The following CEP164 variants were observed in gnomAD, a reference collection of about 807,000 sequenced individuals.
CEP164 encodes centrosomal protein 164.
In CEP164, 162 loss-of-function variants were observed where a neutral mutation model predicts 182.7. The ratio of observed to expected loss-of-function variants is 0.89; its 90% CI spans 0.78 to 1.01. The LOEUF is 1.01. Among genes scored for constraint, CEP164 ranks in the 50% least tolerant of loss-of-function variants. The pLI is 0.00. For synonymous variants in CEP164, 661 were observed against 690.0 expected, an observed-to-expected ratio of 0.96 and a Z score of 0.66; for missense variants, 1,735 against 1,790.4, an observed-to-expected ratio of 0.97 and a Z score of 0.56.
intron 1 of CEP164, among the ~76,000 whole-genome samples, chr11:117,331,653 G>T (rs553445686): frequency 1.3e-5 from 2 of 152,166 alleles, no homozygotes; most frequent in African/African-American, 4.8e-5. Flanking sequence ...CCACTATGCC[G>T]CCTGTCACTG....
intron 8 of CEP164, among the ~76,000 whole-genome samples, chr11:117,367,692 G>A (rs757308648): frequency 7.2e-5 from 11 of 152,182 alleles, no homozygotes; most frequent in East Asian, 1.9e-4. Flanking sequence ...GGGTACCTGT[G>A]CAGGTTTGTT....
chr11:117,346,419 G>A (rs1184546046), intron 4 of CEP164, among the ~76,000 whole-genome samples: 1 of 151,492 alleles, frequency 6.6e-6, no homozygotes, highest in Non-Finnish European at 1.5e-5. Context: ...CCACCACGCC[G>A]GGCTAATTTT....
At chr11:117,391,534 G>A (rs950509152) in intron 17 of CEP164, among the ~76,000 whole-genome samples, 4 of 152,076 alleles carry the variant, frequency 2.6e-5, no homozygotes, top group African/African-American at 9.7e-5. Flanking sequence ...GAGGGAGAGC[G>A]TCCTGTGGAT....
intron 11 of CEP164, among the ~76,000 whole-genome samples, chr11:117,377,875 T>C (rs2042919086): frequency 6.6e-6 from 1 of 152,188 alleles, no homozygotes; most frequent in South Asian, 2.1e-4. Context: ...TCTTTCTTTT[T>C]TTGAGATGGA....
chr11:117,406,582 C>T (rs890825067), intron 27 of CEP164, among the ~76,000 whole-genome samples: 7 of 152,222 alleles, frequency 4.6e-5, no homozygotes, highest in Admixed American at 1.3e-4. Context: ...AGTGCTTTGC[C>T]TTTCCATTCT....
chr11:117,339,111 C>A (rs2037667826), intron 3 of CEP164, among the ~76,000 whole-genome samples: 1 of 152,180 alleles, frequency 6.6e-6, no homozygotes, highest in Middle Eastern at 3.2e-3. Flanking sequence ...AGCCACCTTG[C>A]CTGGCTACTT....
intron 8 of CEP164, among the ~76,000 whole-genome samples, chr11:117,366,920 C>G (rs1458986821): frequency 6.6e-6 from 1 of 152,214 alleles, no homozygotes; most frequent in Non-Finnish European, 1.5e-5. Flanking sequence ...CTCTCCTGCT[C>G]TCTCCTCCTG....
chr11:117,382,853 G>T lies in CEP164; in HGVS notation c.1635G>T (p.Gln545His), dbSNP rs747786163. Residue 545 changes from glutamine (Q) to histidine (H), a missense_variant, in exon 14 of 33, where the codon CAG becomes CAT. By Grantham distance (24) the Gln-to-His change is conservative. Transcript: ENST00000278935. ...AGAAGGGCAAGGAGCAGCATTCCCA[G>T]GCCGAGGAGCTGGGCCCTGGGCAGG... ...ACEKGKEQHS[Q>H]AEELGPGQEE... 3 of 1,614,040 alleles carry T rather than the reference G, an allele frequency of 1.9e-6. No homozygotes were observed. The highest frequency in any genetic ancestry group is 1.7e-6 in the Non-Finnish European group (2 of 1,180,024).
At chr11:117,334,963 G>A (rs572133679) in intron 1 of CEP164, among the ~76,000 whole-genome samples, 28 of 152,218 alleles carry the variant, frequency 1.8e-4, no homozygotes, top group African/African-American at 5.1e-4. Context: ...ATAGTACCTC[G>A]TATAGAGCAC....
chr11:117,382,688 G>A (rs2043474072), intron 13 of CEP164, 108 bp from the exon 14 acceptor site: 15 of 1,323,482 alleles, frequency 1.1e-5, no homozygotes, highest in Non-Finnish European at 1.6e-5. Context: ...AAATTGTTGG[G>A]CTGTCTCTCT....
chr11:117,359,840 C>T (rs975010410), intron 5 of CEP164, among the ~76,000 whole-genome samples: 1 of 152,200 alleles, frequency 6.6e-6, no homozygotes, highest in Non-Finnish European at 1.5e-5. Context: ...GCACTCATCT[C>T]CTTGAGCTTC....
At chr11:117,366,944 C>A (rs1299096742) in intron 8 of CEP164, among the ~76,000 whole-genome samples, 3 of 152,142 alleles carry the variant, frequency 2.0e-5, no homozygotes, top group Admixed American at 6.5e-5. Flanking sequence ...ATGGTAAAGT[C>A]TTTTTTGAAA....
intron 1 of CEP164, among the ~76,000 whole-genome samples, chr11:117,328,987 A>T (rs1253689555): frequency 6.6e-6 from 1 of 152,180 alleles, no homozygotes; most frequent in Admixed American, 6.5e-5. Flanking sequence ...ACACTGACTT[A>T]GTTCATAATT....
At chr11:117,410,036 C>G (rs765846901) in intron 30 of CEP164, 71 bp downstream of exon 30, 4 of 1,370,488 alleles carry the variant, frequency 2.9e-6, no homozygotes, top group Non-Finnish European at 4.2e-6. Context: ...TTCTTCTACC[C>G]TCTTTCTCCT....
rs149928777 is a variant in CEP164, at chr11:117,394,381, A to C, written c.2648A>C (p.His883Pro). The C allele has an allele frequency of 3.1e-6, 5 of 1,609,136 alleles. No individual in the cohort carries two copies. In the African/African-American group the frequency reaches 5.3e-5, roughly 17 times the overall value. The stretch of plus-strand genomic sequence containing the variant: ...AAGCAGCGGGCTGAGCTTCTGGGGC[A>C]CCTGACCGGAGAGCTGGAGCGCCTG... ...ERKQRAELLG[H>P]LTGELERLQR... The change falls in exon 21 of 33, where the codon CAC becomes CCC. Residue 883 changes from histidine (H) to proline (P), a missense_variant. Coordinates refer to ENST00000278935, the MANE Select transcript of CEP164 (RefSeq NM_014956.5). This position sits in a 1 kb window ranked among gnomAD's most constrained non-coding sequence, Gnocchi z 4.0.
intron 1 of CEP164, among the ~76,000 whole-genome samples, chr11:117,330,309 C>T (rs1342198029): frequency 6.6e-6 from 1 of 152,156 alleles, no homozygotes; most frequent in Non-Finnish European, 1.5e-5. Flanking sequence ...CATGTGTAAT[C>T]AGGTTTGTAG....
chr11:117,355,593 T>C (rs2040212182), intron 5 of CEP164: 1 of 1,205,712 alleles, frequency 8.3e-7, no homozygotes, highest in Non-Finnish European at 1.1e-6. Context: ...TCCGGCCACA[T>C]GTTGCCTGCC....
intron 3 of CEP164, among the ~76,000 whole-genome samples, chr11:117,341,343 T>TC (rs2038085468): frequency 1.3e-5 from 2 of 152,108 alleles, no homozygotes; most frequent in Non-Finnish European, 1.5e-5. Flanking sequence ...GTGCTTTTAG[T>TC]CCCCCCGCAT....
chr11:117,355,516 G>A lies in CEP164; in HGVS notation c.393+3528G>A, dbSNP rs1256184078. The A allele has an allele frequency of 4.7e-6, 6 of 1,285,994 alleles. No individual in the cohort carries two copies. In the South Asian group the frequency reaches 7.4e-5, roughly 16 times the overall value. The allele number at this position is 1,285,994 out of a possible 1,614,324, so 79.7% of individuals were successfully genotyped here. A position where few individuals can be genotyped will look rare whatever the true frequency, so the allele number is the denominator to read the frequency against. On this transcript the variant is annotated intron_variant, in intron 5 of 32. Coordinates refer to ENST00000278935, the MANE Select transcript of CEP164 (RefSeq NM_014956.5). The stretch of plus-strand genomic sequence containing the variant: ...AACTGAGCCCCACTGGCCCTGGAGG[G>A]GACAAGGGCCAAAGCCCCATTCCCA...
Sources: allele counts gnomAD v4.1 joint callset (sites outside exome capture counted in the v4.1 genomes callset), GRCh38; gene constraint gnomAD v4.1.1; non-coding constraint Gnocchi (gnomAD v3.1); transcripts MANE v1.5; gene names NCBI Gene and HGNC (gene_info 2026-07-23, HGNC 2026-07-21).